The following ACTN2 variants were observed in gnomAD, a reference collection of about 807,000 sequenced individuals.
ACTN2 encodes actinin alpha 2, also known as alpha-actinin-2.
A neutral mutation model predicts 113.8 loss-of-function variants in ACTN2; 39 were observed. That is an observed-to-expected ratio of 0.34 (90% CI 0.27 to 0.45). The LOEUF (loss-of-function observed/expected upper bound fraction) is 0.45, where lower values mean the gene tolerates loss of function less well. Among genes scored for constraint, ACTN2 ranks in the 20% least tolerant of loss-of-function variants. The probability of loss-of-function intolerance (pLI) is 1.00; values close to 1 mark genes in which losing one functional copy is unlikely to be tolerated. For synonymous variants in ACTN2, 429 were observed against 444.1 expected, an observed-to-expected ratio of 0.97 and a Z score of 0.43; for missense variants, 992 against 1,177.9, an observed-to-expected ratio of 0.84 and a Z score of 2.31.
chr1:236,701,182 T>A (rs1277967419), intron 1 of ACTN2, among the ~76,000 whole-genome samples: 1 of 152,140 alleles, frequency 6.6e-6, no homozygotes, highest in Non-Finnish European at 1.5e-5. Context: ...CAAACTTTGG[T>A]CTCCCTGTTC....
rs1357227759 is a variant in ACTN2, at chr1:236,745,860, C to T, written c.1406+1084C>T. Among the ~76,000 whole-genome samples the T allele has an allele frequency of 2.6e-5, 4 of 152,050 alleles. No individual in the cohort carries two copies. In the East Asian group the frequency reaches 7.7e-4, roughly 29 times the overall value. ...AATAAAAATTTATTTCAATATATTACGTTTTAAAACTGCCACGTTCTGGCT... is the reference window on the plus strand; with the variant it reads ...AATAAAAATTTATTTCAATATATTATGTTTTAAAACTGCCACGTTCTGGCT... On this transcript the variant is annotated intron_variant, in intron 12 of 20. Coordinates refer to ENST00000366578, the MANE Select transcript of ACTN2 (RefSeq NM_001103.4).
intron 7 of ACTN2, among the ~76,000 whole-genome samples, chr1:236,734,185 G>T (rs564518522): frequency 6.6e-6 from 1 of 152,238 alleles, no homozygotes; most frequent in South Asian, 2.1e-4. Flanking sequence ...GCTAGGTTAG[G>T]GCTCTTCTGG....
intron 1 of ACTN2, among the ~76,000 whole-genome samples, chr1:236,715,532 G>T (rs533608694): frequency 6.6e-6 from 1 of 151,964 alleles, no homozygotes; most frequent in Admixed American, 6.6e-5. Flanking sequence ...AGCCATATGT[G>T]GCTTTTGATC....
Position 236,686,815 on chromosome 1 carries a change from C to A in ACTN2, c.126+16C>A. 1 of 1,472,012 alleles carries A rather than the reference C, an allele frequency of 6.8e-7. No individual in the cohort carries two copies. Among genetic ancestry groups the A allele is most frequent in the Non-Finnish European group, 9.0e-7 (1 of 1,106,512 alleles). 91.2% of individuals were successfully genotyped at this position (1,472,012 alleles called of 1,614,324 possible). A position where few individuals can be genotyped will look rare whatever the true frequency, so the allele number is the denominator to read the frequency against. On this transcript the variant is annotated intron_variant, in intron 1 of 20. Transcript: ENST00000366578. Reference sequence around the variant, plus strand: ...GCAGAGGAAGGTCAGCAGGGGCCCGCGGGCCGCCCGCGCGTGGTGGGGCCG... The same window carrying A: ...GCAGAGGAAGGTCAGCAGGGGCCCGAGGGCCGCCCGCGCGTGGTGGGGCCG...
chr1:236,734,560 C>T (rs757863770), intron 7 of ACTN2: 71 of 1,399,932 alleles, frequency 5.1e-5, no homozygotes, highest in Non-Finnish European at 6.1e-5. Flanking sequence ...CCTTCACCTT[C>T]TGTGTCTTAA....
chr1:236,701,028 A>T (rs1657658061), intron 1 of ACTN2, among the ~76,000 whole-genome samples: 1 of 152,170 alleles, frequency 6.6e-6, no homozygotes, highest in Non-Finnish European at 1.5e-5. Context: ...AAATGAACTG[A>T]CACCAAGGTG....
At chr1:236,740,926 G>T (rs1176606649) in intron 10 of ACTN2, among the ~76,000 whole-genome samples, 6 of 152,156 alleles carry the variant, frequency 3.9e-5, no homozygotes, top group African/African-American at 9.7e-5. Context: ...CTCCATCTCT[G>T]TTCAAGGCCT....
intron 1 of ACTN2, among the ~76,000 whole-genome samples, chr1:236,715,629 G>A (rs1658177557): frequency 6.6e-6 from 1 of 151,976 alleles, no homozygotes; most frequent in Non-Finnish European, 1.5e-5. Context: ...TTCTGGCTAG[G>A]AGCTACCACA....
intron 3 of ACTN2, among the ~76,000 whole-genome samples, chr1:236,719,759 A>T (rs1658327732): frequency 6.6e-6 from 1 of 151,800 alleles, no homozygotes; most frequent in Non-Finnish European, 1.5e-5. Context: ...CGGTTGTGTC[A>T]CTGCACTGCG....
At chr1:236,719,798 C>CAAA (rs202216207) in intron 3 of ACTN2, among the ~76,000 whole-genome samples, 2 of 93,158 alleles carry the variant, frequency 2.1e-5, no homozygotes, top group Non-Finnish European at 4.5e-5. Context: ...GACTCCATCT[C>CAAA]AAAAAAAAAA....
chr1:236,761,034 G>T lies in ACTN2; in HGVS notation c.2387G>T (p.Arg796Leu), dbSNP rs772409484. 2 of 1,614,138 alleles carry T rather than the reference G, an allele frequency of 1.2e-6. No homozygotes were observed. The highest frequency in any genetic ancestry group is 1.7e-6 in the Non-Finnish European group (2 of 1,180,040). The change falls in exon 20 of 21, where the codon CGC becomes CTC. Residue 796 changes from arginine to leucine, a missense_variant. Arg to Leu is a moderately radical substitution (Grantham distance 102). This residue lies in a region of ACTN2 where 736 missense variants were observed against 815.4 expected (regional missense o/e 0.90). Coordinates refer to ENST00000366578, the MANE Select transcript of ACTN2 (RefSeq NM_001103.4). ...CCCCAGGGTGAAGCCGAATTTGCCC[G>T]CATTATGACCCTGGTAGATCCCAAC... ...GYDLGEAEFA[R>L]IMTLVDPNGQ...
chr1:236,717,393 C>T (rs1293040301), intron 1 of ACTN2, among the ~76,000 whole-genome samples: 2 of 152,112 alleles, frequency 1.3e-5, no homozygotes, highest in Non-Finnish European at 2.9e-5. Flanking sequence ...GCCATGATCA[C>T]ACCACTGTTC....
intron 1 of ACTN2, among the ~76,000 whole-genome samples, chr1:236,689,373 A>ATAT (rs1665999232): frequency 1.4e-5 from 2 of 145,536 alleles, no homozygotes; most frequent in Admixed American, 7.0e-5. Flanking sequence ...TATATATATA[A>ATAT]AATATGTAAT....
At chr1:236,695,563 T>TCCCCCC (rs71559972) in intron 1 of ACTN2, among the ~76,000 whole-genome samples, 22 of 100,816 alleles carry the variant, frequency 2.2e-4, no homozygotes, top group Non-Finnish European at 2.9e-4. Flanking sequence ...TGAAATGAGT[T>TCCCCCC]CCCCCCCCCT....
intron 20 of ACTN2, 73 bp from the exon 21 acceptor site, chr1:236,762,388 A>G (rs1177691470): frequency 1.9e-6 from 3 of 1,580,614 alleles, no homozygotes; most frequent in East Asian, 4.5e-5. Flanking sequence ...TGCAAGAAAT[A>G]TGTAAGTATT....
rs1466035317 is a variant in ACTN2 at position 236,751,545 on chromosome 1, A to T, written c.1732A>T (p.Ile578Phe). Residue 578 changes from isoleucine (I) to phenylalanine (F), a missense_variant, in exon 15 of 21, where the codon ATC becomes TTC. Physicochemically the swap from Ile to Phe is conservative, Grantham distance 21. This residue lies in a region of ACTN2 where 736 missense variants were observed against 815.4 expected (regional missense o/e 0.90). Transcript: ENST00000366578. The part of the protein sequence containing the change: ...ADGERQSIMA[I>F]QNEVEKVIQS... Reference sequence around the variant, plus strand: ...CGGAGAGCGGCAGTCCATCATGGCCATCCAGAACGAGGTGGAGAAGGTGAT... The same window carrying T: ...CGGAGAGCGGCAGTCCATCATGGCCTTCCAGAACGAGGTGGAGAAGGTGAT... 1 of 1,614,124 alleles carries T rather than the reference A, an allele frequency of 6.2e-7. No individual in the cohort carries two copies. The highest frequency in any genetic ancestry group is 1.1e-5 in the South Asian group (1 of 91,074).
intron 12 of ACTN2, among the ~76,000 whole-genome samples, chr1:236,746,107 A>G (rs990176418): frequency 3.5e-5 from 5 of 144,846 alleles, no homozygotes. Context: ...CGGAACTTGC[A>G]GTGAGCCGAG....
At chr1:236,746,045 A>C (rs888697541) in intron 12 of ACTN2, among the ~76,000 whole-genome samples, 5 of 151,692 alleles carry the variant, frequency 3.3e-5, no homozygotes, top group African/African-American at 1.2e-4. Flanking sequence ...GGGCACCTGT[A>C]GTCCCAACTA....
chr1:236,689,602 C>T (rs193139207), intron 1 of ACTN2, among the ~76,000 whole-genome samples: 1 of 152,188 alleles, frequency 6.6e-6, no homozygotes, highest in Non-Finnish European at 1.5e-5. Context: ...ATTCTCCCAC[C>T]TTGGCTTCTT....
Sources: gnomAD v4.1 joint callset for allele counts (sites outside exome capture counted in the v4.1 genomes callset) on GRCh38, gnomAD v4.1.1 for gene constraint, gnomAD v4.1.1 regional missense constraint, MANE v1.5 for transcripts, NCBI Gene and HGNC (gene_info 2026-07-23, HGNC 2026-07-21) for gene names.